The following WSB2 variants were observed in gnomAD, a reference collection of about 807,000 sequenced individuals.
The protein encoded by WSB2 is WD repeat and SOCS box-containing protein 2.
In WSB2, 12 loss-of-function variants were observed where a neutral mutation model predicts 48.8. The observed-to-expected ratio is 0.25, with a 90% CI of 0.16 to 0.40. The LOEUF (loss-of-function observed/expected upper bound fraction) is 0.40, where lower values mean the gene tolerates loss of function less well. WSB2 is among the 10% of genes least tolerant of loss of function. WSB2 has a pLI of 1.00. For missense variants in WSB2, 317 were observed against 506.2 expected, an observed-to-expected ratio of 0.63 and a Z score of 3.59; for synonymous variants, 191 against 203.1, an observed-to-expected ratio of 0.94 and a Z score of 0.51.
intron 1 of WSB2, among the ~76,000 whole-genome samples, chr12:118,057,808 G>A (rs1050259797): frequency 6.8e-6 from 1 of 148,006 alleles, no homozygotes; most frequent in Non-Finnish European, 1.5e-5. Flanking sequence ...AGGCTGGGGT[G>A]CAGTGGCTGA....
intron 2 of WSB2, among the ~76,000 whole-genome samples, chr12:118,045,510 C>T (rs2031728301): frequency 6.6e-6 from 1 of 151,852 alleles, no homozygotes; most frequent in African/African-American, 2.4e-5. Flanking sequence ...CCAGCCTGAC[C>T]AATATGGTGA....
intron 2 of WSB2, among the ~76,000 whole-genome samples, chr12:118,050,321 C>G (rs2031826496): frequency 1.3e-5 from 2 of 152,142 alleles, no homozygotes; most frequent in African/African-American, 2.4e-5. Context: ...GACACTGGGG[C>G]TTGTCCATCC....
intron 1 of WSB2, among the ~76,000 whole-genome samples, chr12:118,055,015 T>TTA (rs567195633): frequency 7.4e-6 from 1 of 135,254 alleles, no homozygotes; most frequent in African/African-American, 2.7e-5. Flanking sequence ...TCCATCTCTT[T>TTA]AAAAAAAAAA....
intron 2 of WSB2, among the ~76,000 whole-genome samples, chr12:118,047,956 T>C (rs1294821234): frequency 6.6e-6 from 1 of 152,088 alleles, no homozygotes; most frequent in Non-Finnish European, 1.5e-5. Flanking sequence ...AGAGACAGTG[T>C]CTTACTGTTG....
At position 118,036,370 on chromosome 12, in the gene WSB2, G is replaced by A; in HGVS notation, c.801C>T (p.Asp267=). 1 of 1,614,154 alleles carries A rather than the reference G, an allele frequency of 6.2e-7. No individual in the cohort carries two copies. Among genetic ancestry groups the A allele is most frequent in the Non-Finnish European group, 8.5e-7 (1 of 1,180,010 alleles). The change falls in exon 6 of 9, where the codon GAC becomes GAT. Residue 267 remains aspartate, a synonymous_variant. Transcript: ENST00000315436. ...ACCTCAGCCTTTCGCCGGTGTAGGG[G>A]TCCCACATAATCACATTGGTATCGT... ...ASYDTNVIMW[D]PYTGERLRSL...
chr12:118,035,288 G>C lies in WSB2; in HGVS notation c.870C>G (p.Asp290Glu). 1 of 1,614,196 alleles carries C rather than the reference G, an allele frequency of 6.2e-7. No homozygotes were observed. The highest frequency in any genetic ancestry group is 8.5e-7 in the Non-Finnish European group (1 of 1,180,042). ...CAGATCTCAGTGAGCTAATGTGGAC[G>C]TCACTGTCATCCATGGCGGGGTCAA... ...TQVDPAMDDS[D>E]VHISSLRSVC... The change falls in exon 7 of 9, where the codon GAC becomes GAG. Residue 290 changes from aspartate (D) to glutamate (E), a missense_variant. Coordinates refer to ENST00000315436, the MANE Select transcript of WSB2 (RefSeq NM_018639.5).
Position 118,035,317 on chromosome 12 carries a change from G to A in WSB2, c.841C>T (p.Gln281Ter). The change falls in exon 7 of 9, where the codon CAG becomes TAG. Residue 281 changes from glutamine to a stop codon, truncating the protein, a stop_gained. Coordinates refer to ENST00000315436, the MANE Select transcript of WSB2 (RefSeq NM_018639.5). LOFTEE classifies it high-confidence loss of function. The part of the protein sequence containing the change: ...GERLRSLHHT[Q>*]VDPAMDDSDV... ...CTGTCATCCATGGCGGGGTCAACCTGGGTGTGGCTGGGAAGGAAAGAAACA... is the reference window on the plus strand; with the variant it reads ...CTGTCATCCATGGCGGGGTCAACCTAGGTGTGGCTGGGAAGGAAAGAAACA... 6.2e-7 allele frequency: 1 copy of A among 1,614,066 alleles called. No individual in the cohort carries two copies. The highest frequency in any genetic ancestry group is 8.5e-7 in the Non-Finnish European group (1 of 1,180,018).
Position 118,037,126 on chromosome 12 carries a change from G to C in WSB2, c.661-616C>G, listed in dbSNP as rs144645720. On this transcript the variant is annotated intron_variant, in intron 5 of 8. Coordinates refer to ENST00000315436, the MANE Select transcript of WSB2 (RefSeq NM_018639.5). ...GAGCCTGGTAGGTGGAGGTTGCAGT[G>C]ACCTGAGATCACGTCACTGCACTCC... Among the ~76,000 whole-genome samples, 710 of 152,164 alleles carry C rather than the reference G, an allele frequency of 4.7e-3. 5 individuals are homozygous for C. The highest frequency in any genetic ancestry group is 0.016 in the African/African-American group (679 of 41,526).
chr12:118,056,412 C>T (rs2031958193), intron 1 of WSB2, among the ~76,000 whole-genome samples: 1 of 152,152 alleles, frequency 6.6e-6, no homozygotes, highest in South Asian at 2.1e-4. Flanking sequence ...TCCTTCACAA[C>T]CCCTCACTTT....
In WSB2 at chr12:118,050,542, G is replaced by T. The variant is rs184930673; in HGVS notation, c.182+1768C>A. On this transcript the variant is annotated intron_variant, in intron 2 of 8. Coordinates refer to ENST00000315436, the MANE Select transcript of WSB2 (RefSeq NM_018639.5). The stretch of plus-strand genomic sequence containing the variant: ...TAGTATCAGGTACTTGGGAGGCTAG[G>T]GCAGGAGGATAGCTTGAGACCAGCA... Among the ~76,000 whole-genome samples, 229 of 152,116 alleles carry T rather than the reference G, an allele frequency of 1.5e-3. 1 individual carries two copies. Among genetic ancestry groups the T allele is most frequent in the Admixed American group, 4.8e-3 (73 of 15,268 alleles).
intron 2 of WSB2, among the ~76,000 whole-genome samples, chr12:118,044,741 G>C (rs917806730): frequency 1.3e-5 from 2 of 152,110 alleles, no homozygotes; most frequent in Admixed American, 6.6e-5. Context: ...AAATGCACAA[G>C]CACTTGGCCG....
Position 118,042,864 on chromosome 12 carries a change from C to T in WSB2, c.536G>A (p.Arg179His). 6.2e-7 allele frequency: 1 copy of T among 1,614,146 alleles called. No homozygotes were observed. Among genetic ancestry groups the T allele is most frequent in the Non-Finnish European group, 8.5e-7 (1 of 1,180,030 alleles). The change falls in exon 4 of 9, where the codon CGC (arginine) becomes CAC (histidine). Residue 179 changes from arginine (R) to histidine (H), a missense_variant. Physicochemically the swap from Arg to His is conservative, Grantham distance 29. Coordinates refer to ENST00000315436, the MANE Select transcript of WSB2 (RefSeq NM_018639.5). Reference sequence around the variant, plus strand: ...ACCGTGTTTATTCAGGTCCCAGATGCGAAGAGTCTTATCCCGTGACGCGGA... The same window carrying T: ...ACCGTGTTTATTCAGGTCCCAGATGTGAAGAGTCTTATCCCGTGACGCGGA... ...LVSASRDKTL[R>H]IWDLNKHGKQ...
rs201007359 is a variant in WSB2 at position 118,037,664 on chromosome 12, G to T, written c.660+624C>A. On this transcript the variant is annotated intron_variant, in intron 5 of 8. Transcript: ENST00000315436. ...GCTTGGGCAACAACAGCGAAACTCT[G>T]TCTAAAAAAAAAAAAAAAGAAAAGA... Among the ~76,000 whole-genome samples the T allele has an allele frequency of 2.3e-4, 32 of 137,990 alleles. No homozygotes were observed. The East Asian group carries it at 6.5e-3, about 28-fold the overall frequency. 90.5% of individuals were successfully genotyped at this position (137,990 alleles called of 152,430 possible).
At chr12:118,055,488 G>A (rs955395323) in intron 1 of WSB2, among the ~76,000 whole-genome samples, 1 of 151,980 alleles carries the variant, frequency 6.6e-6, no homozygotes, top group African/African-American at 2.4e-5. Flanking sequence ...TGCTCTGGGA[G>A]GCAGAGGTGG....
intron 4 of WSB2, among the ~76,000 whole-genome samples, chr12:118,040,941 T>C (rs1476344670): frequency 6.6e-6 from 1 of 152,194 alleles, no homozygotes; most frequent in African/African-American, 2.4e-5. Flanking sequence ...CCCAGCTACT[T>C]GGGAGGCTGA....
chr12:118,050,115 G>A (rs935109270), intron 2 of WSB2, among the ~76,000 whole-genome samples: 5 of 151,966 alleles, frequency 3.3e-5, no homozygotes, highest in African/African-American at 1.2e-4. Flanking sequence ...CAGGAGGGAA[G>A]TGGAGGTTGC....
At chr12:118,035,494 T>C (rs2031491237) in intron 6 of WSB2, among the ~76,000 whole-genome samples, 170 bp from the exon 7 acceptor site, 1 of 152,170 alleles carries the variant, frequency 6.6e-6, no homozygotes, top group African/African-American at 2.4e-5. Context: ...AAAAAGGGTA[T>C]CTCAGAAGGC....
intron 1 of WSB2, among the ~76,000 whole-genome samples, chr12:118,058,480 C>T (rs528380711): frequency 1.6e-4 from 24 of 152,050 alleles, no homozygotes; most frequent in Non-Finnish European, 2.9e-4. Context: ...TCCCCAGTAG[C>T]TGGGACTACA....
chr12:118,058,396 G>A (rs1028096956), intron 1 of WSB2, among the ~76,000 whole-genome samples: 12 of 151,958 alleles, frequency 7.9e-5, no homozygotes, highest in Non-Finnish European at 1.3e-4. Context: ...TGCCCAGGCT[G>A]GAATGCAGTA....
Sources: allele counts gnomAD v4.1 joint callset (sites outside exome capture counted in the v4.1 genomes callset), GRCh38; gene constraint gnomAD v4.1.1; transcripts MANE v1.5; gene names NCBI Gene and HGNC (gene_info 2026-07-23, HGNC 2026-07-21).